Variants in NRXN1 observed in about 807,000 individuals in gnomAD.
NRXN1 encodes the protein neurexin-1.
In NRXN1, 39 loss-of-function variants were observed where a neutral mutation model predicts 150.9. The ratio of observed to expected loss-of-function variants is 0.26; its 90% CI spans 0.20 to 0.34. The LOEUF (loss-of-function observed/expected upper bound fraction) is 0.34, where lower values mean the gene tolerates loss of function less well. Ranked by LOEUF, NRXN1 falls within the 10% of genes least tolerant of loss-of-function variation. NRXN1 has a pLI of 1.00. For synonymous variants in NRXN1, 924 were observed against 757.0 expected (o/e 1.22, Z -3.62); for missense variants, 1,815 against 1,949.9 (o/e 0.93, Z 1.30).
At chr2:50,051,874 C>A (rs988484316) in intron 21 of NRXN1, among the ~76,000 whole-genome samples, 1 of 151,918 alleles carries the variant, frequency 6.6e-6, no homozygotes, top group African/African-American at 2.4e-5. Context: ...TATAAGACAT[C>A]CCATTTTATT....
At chr2:49,971,723 T>C (rs1460956802) in intron 21 of NRXN1, among the ~76,000 whole-genome samples, 1 of 152,200 alleles carries the variant, frequency 6.6e-6, no homozygotes, top group Non-Finnish European at 1.5e-5. Context: ...TTTTTTTCCA[T>C]TAATTTCTAA....
chr2:50,619,265 A>G (rs543846018), intron 8 of NRXN1: 54 of 152,312 alleles, frequency 3.5e-4, no homozygotes, highest in African/African-American at 1.2e-3. Context: ...TGGTTCCAGT[A>G]GCCCAAAGAA....
At chr2:50,726,442 G>T (rs1423652598) in intron 5 of NRXN1, among the ~76,000 whole-genome samples, 1 of 152,150 alleles carries the variant, frequency 6.6e-6, no homozygotes, top group African/African-American at 2.4e-5. Context: ...TAAGGTTTTT[G>T]TGAAGATTAA....
At chr2:50,224,719 G>C (rs1178195455) in intron 18 of NRXN1, among the ~76,000 whole-genome samples, 2 of 150,272 alleles carry the variant, frequency 1.3e-5, no homozygotes, top group Non-Finnish European at 3.0e-5. Context: ...GAGAGAGAGA[G>C]AGAGAGAGAG....
At chr2:50,759,432 G>C (rs1701536584) in intron 5 of NRXN1, among the ~76,000 whole-genome samples, 1 of 151,860 alleles carries the variant, frequency 6.6e-6, no homozygotes, top group African/African-American at 2.4e-5. Flanking sequence ...TAGCATAAAA[G>C]GAATCGGGCA....
At chr2:51,003,507 C>T (rs1304408752) in intron 2 of NRXN1, among the ~76,000 whole-genome samples, 1 of 151,896 alleles carries the variant, frequency 6.6e-6, no homozygotes, top group Admixed American at 6.6e-5. Context: ...AATATCCTAT[C>T]TAAAAATTTG....
chr2:50,721,585 A>G (rs540247571), intron 5 of NRXN1, among the ~76,000 whole-genome samples: 1 of 152,304 alleles, frequency 6.6e-6, no homozygotes, highest in East Asian at 1.9e-4. Context: ...ATGAATCCTC[A>G]GGATACCCAG....
At chr2:50,426,009 G>T (rs1251514332) in intron 17 of NRXN1, among the ~76,000 whole-genome samples, 1 of 152,278 alleles carries the variant, frequency 6.6e-6, no homozygotes, top group African/African-American at 2.4e-5. Context: ...ACTTGTTACA[G>T]AGACATTTTA....
chr2:50,123,768 C>A (rs1704189722), intron 18 of NRXN1, among the ~76,000 whole-genome samples: 1 of 152,036 alleles, frequency 6.6e-6, no homozygotes, highest in Non-Finnish European at 1.5e-5. Flanking sequence ...AGGAACTGCA[C>A]CTTGAACTCA....
At chr2:50,141,787 A>C (rs536555776) in intron 18 of NRXN1, among the ~76,000 whole-genome samples, 1 of 152,272 alleles carries the variant, frequency 6.6e-6, no homozygotes, top group African/African-American at 2.4e-5. Context: ...AATGTCTACC[A>C]TCTAAAAGAC....
At chr2:50,692,708 C>G (rs1261880140) in intron 5 of NRXN1, among the ~76,000 whole-genome samples, 1 of 151,792 alleles carries the variant, frequency 6.6e-6, no homozygotes, top group African/African-American at 2.4e-5. Context: ...TTCATTTTCT[C>G]TTTTTCCCCT....
At chr2:50,143,982 T>C (rs1175511844) in intron 18 of NRXN1, among the ~76,000 whole-genome samples, 1 of 151,970 alleles carries the variant, frequency 6.6e-6, no homozygotes, top group Non-Finnish European at 1.5e-5. Context: ...TCCATTTTCA[T>C]CCTTAGGATG....
intron 19 of NRXN1, among the ~76,000 whole-genome samples, chr2:50,071,072 T>C (rs1322263864): frequency 2.0e-5 from 3 of 152,210 alleles, no homozygotes; most frequent in Non-Finnish European, 2.9e-5. Context: ...ACAATTGGAA[T>C]TGATGCACAC....
chr2:50,619,938 G>C (rs951728711), intron 8 of NRXN1, 84 bp downstream of exon 8: 1 of 1,248,024 alleles, frequency 8.0e-7, no homozygotes, highest in Non-Finnish European at 1.1e-6. Flanking sequence ...TGGAACATCG[G>C]GTCTTCAGCA....
At chr2:50,989,943 G>C (rs993042936) in intron 2 of NRXN1, among the ~76,000 whole-genome samples, 8 of 151,990 alleles carry the variant, frequency 5.3e-5, no homozygotes, top group African/African-American at 1.9e-4. Context: ...AGCAATGCAT[G>C]AGATTTTTAG....
intron 8 of NRXN1, among the ~76,000 whole-genome samples, chr2:50,559,799 C>T (rs573954124): frequency 1.8e-4 from 28 of 151,972 alleles, no homozygotes; most frequent in Non-Finnish European, 2.8e-4. Context: ...AATATAAATA[C>T]ATTAACAATA....
chr2:50,788,360 T>C (rs1705437709), intron 5 of NRXN1, among the ~76,000 whole-genome samples: 1 of 152,088 alleles, frequency 6.6e-6, no homozygotes, highest in African/African-American at 2.4e-5. Context: ...GTGCTGGGAT[T>C]ACAGGCATGA....
chr2:49,946,883 A>G (rs1364795043), intron 21 of NRXN1, among the ~76,000 whole-genome samples: 3 of 152,204 alleles, frequency 2.0e-5, no homozygotes, highest in African/African-American at 7.2e-5. Flanking sequence ...CCAATGGAAT[A>G]GAACAGAGGC....
chr2:50,139,187 G>T (rs539682311), intron 18 of NRXN1, among the ~76,000 whole-genome samples: 1 of 152,048 alleles, frequency 6.6e-6, no homozygotes, highest in Non-Finnish European at 1.5e-5. Flanking sequence ...TTAGCCGGGC[G>T]TGGTGGCGTG....
Sources: allele counts gnomAD v4.1 joint callset (sites outside exome capture counted in the v4.1 genomes callset), GRCh38; gene constraint gnomAD v4.1.1; transcripts MANE v1.5; gene names NCBI Gene and HGNC (gene_info 2026-07-23, HGNC 2026-07-21).